The following SCUBE3 variants were observed in gnomAD, a reference collection of about 807,000 sequenced individuals.
The protein encoded by SCUBE3 is signal peptide, CUB and EGF-like domain-containing protein 3.
Under a neutral mutation model 116.8 loss-of-function variants are expected in SCUBE3, and 33 were observed. The observed-to-expected ratio is 0.28, with a 90% CI of 0.21 to 0.38. The LOEUF is 0.38. Ranked by LOEUF, SCUBE3 falls within the 10% of genes least tolerant of loss-of-function variation. The pLI is 1.00. For missense variants in SCUBE3, 1,007 were observed against 1,324.8 expected (o/e 0.76, Z 3.72); for synonymous variants, 418 against 496.9 (o/e 0.84, Z 2.11).
At chr6:35,217,611 T>C (rs1212025922) in intron 1 of SCUBE3, among the ~76,000 whole-genome samples, 1 of 152,030 alleles carries the variant, frequency 6.6e-6, no homozygotes, top group African/African-American at 2.4e-5. Flanking sequence ...GGCTGTTTCC[T>C]TTCCTCCCCG....
At chr6:35,226,340 A>G (rs1301827937) in intron 1 of SCUBE3, among the ~76,000 whole-genome samples, 1 of 152,128 alleles carries the variant, frequency 6.6e-6, no homozygotes, top group Non-Finnish European at 1.5e-5. Flanking sequence ...GTCACCTTTG[A>G]GCCTCCACAG....
chr6:35,242,433 A>G, intron 13 of SCUBE3, 113 bp downstream of exon 13: 1 of 939,738 alleles, frequency 1.1e-6, no homozygotes, highest in Non-Finnish European at 1.7e-6. Context: ...GGCAGAGCAG[A>G]GGAAAAAGCA....
At chr6:35,238,217 T>C (rs1171165184) in intron 7 of SCUBE3, among the ~76,000 whole-genome samples, 199 bp downstream of exon 7, 1 of 152,146 alleles carries the variant, frequency 6.6e-6, no homozygotes, top group African/African-American at 2.4e-5. Context: ...AGTTCCTTAG[T>C]GCCCCCTTCC....
chr6:35,238,887 C>T (rs530344096), intron 7 of SCUBE3, among the ~76,000 whole-genome samples: 7 of 152,114 alleles, frequency 4.6e-5, no homozygotes, highest in Admixed American at 3.3e-4. Context: ...CCAACAGCTG[C>T]GAGAGGAGGG....
Position 35,249,881 on chromosome 6 carries a change from T to C in SCUBE3, c.*1176T>C, listed in dbSNP as rs1784492618. 1 of 152,664 alleles carries C rather than the reference T, an allele frequency of 6.6e-6. No homozygotes were observed. 9.5% of individuals were successfully genotyped at this position (152,664 alleles called of 1,614,324 possible). A position where few individuals can be genotyped will look rare whatever the true frequency, so the allele number is the denominator to read the frequency against. ...CCCTGTCCACACCTAATAAGTGCAA[T>C]CATTTTGAGTCTTTCTATGTTGTCT... On this transcript the variant is annotated 3_prime_UTR_variant, in exon 22 of 22. Coordinates refer to ENST00000274938, the MANE Select transcript of SCUBE3 (RefSeq NM_152753.4).
Position 35,243,109 on chromosome 6 carries a change from C to T in SCUBE3, c.1782C>T (p.Asp594=). 6.2e-7 allele frequency: 1 copy of T among 1,614,192 alleles called. No individual in the cohort carries two copies. The highest frequency in any genetic ancestry group is 8.5e-7 in the Non-Finnish European group (1 of 1,180,006). ...TGCTCAGAAAGTCCATCAACCAGGA[C>T]CGCTTCCTGCTGCGCCTGGCAGGCC... ...LKMLRKSINQ[D]RFLLRLAGLD... is the part of the protein sequence containing the mutation. The change falls in exon 15 of 22, where the codon GAC becomes GAT. Residue 594 remains aspartate, a synonymous_variant. Transcript: ENST00000274938. The surrounding 1 kb of genome is among the most constrained non-coding windows in gnomAD (Gnocchi z 6.6).
Position 35,252,615 on chromosome 6 carries a change from A to G in SCUBE3, c.*3910A>G, listed in dbSNP as rs886784823. The G allele has an allele frequency of 1.3e-5, 2 of 152,248 alleles. No individual in the cohort carries two copies. Among genetic ancestry groups the G allele is most frequent in the Non-Finnish European group, 2.9e-5 (2 of 68,048 alleles). 9.4% of individuals were successfully genotyped at this position (152,248 alleles called of 1,614,324 possible). A position where few individuals can be genotyped will look rare whatever the true frequency, so the allele number is the denominator to read the frequency against. On this transcript the variant is annotated 3_prime_UTR_variant, in exon 22 of 22. Transcript: ENST00000274938. ...CCTCCAGGTTTCTTTCTTAAGCACA[A>G]TAAAAGTGGGAGCGAACAACACAAG...
intron 3 of SCUBE3, among the ~76,000 whole-genome samples, chr6:35,230,506 G>A (rs1783500103): frequency 6.6e-6 from 1 of 152,176 alleles, no homozygotes; most frequent in African/African-American, 2.4e-5. Flanking sequence ...CTGAGAATTG[G>A]AGGAAAGAGC....
Position 35,233,361 on chromosome 6 carries a change from G to A in SCUBE3, c.712+60G>A. The A allele has an allele frequency of 9.8e-7, 1 of 1,018,826 alleles. No homozygotes were observed. The highest frequency in any genetic ancestry group is 1.6e-5 in the African/African-American group (1 of 63,784). The allele number at this position is 1,018,826 out of a possible 1,614,324, so 63.1% of individuals were successfully genotyped here. A position where few individuals can be genotyped will look rare whatever the true frequency, so the allele number is the denominator to read the frequency against. On this transcript the variant is annotated intron_variant, in intron 6 of 21. Coordinates refer to ENST00000274938, the MANE Select transcript of SCUBE3 (RefSeq NM_152753.4). The surrounding 1 kb of genome is among the most constrained non-coding windows in gnomAD (Gnocchi z 5.7). ...AGATGGGGTGGGGGTGGGACCCTTT[G>A]GGAACCAGGGAAGTGGAGGAGTGCA...
chr6:35,244,181 CA>C lies in SCUBE3; in HGVS notation c.2239+57del. Reference sequence around the variant, plus strand: ...GGGATGCCCCAACCCCAACTACTCCCAAAAAACTCTCCAATTTCCCAGAGGG... The same window carrying C: ...GGGATGCCCCAACCCCAACTACTCCCAAAAACTCTCCAATTTCCCAGAGGG... On this transcript the variant is annotated intron_variant, in intron 17 of 21. Coordinates refer to ENST00000274938, the MANE Select transcript of SCUBE3 (RefSeq NM_152753.4). This position sits in a 1 kb window ranked among gnomAD's most constrained non-coding sequence, Gnocchi z 4.3. The C allele has an allele frequency of 1.3e-6, 2 of 1,508,932 alleles. No homozygotes were observed. Among genetic ancestry groups the C allele is most frequent in the East Asian group, 2.3e-5 (1 of 42,904 alleles). The allele number at this position is 1,508,932 out of a possible 1,614,324, so 93.5% of individuals were successfully genotyped here.
intron 7 of SCUBE3, among the ~76,000 whole-genome samples, chr6:35,238,896 G>A (rs571613104): frequency 4.6e-5 from 7 of 152,088 alleles, no homozygotes; most frequent in South Asian, 2.1e-4. Flanking sequence ...GCGAGAGGAG[G>A]GGGGAGGCTA....
intron 7 of SCUBE3, 147 bp downstream of exon 7, chr6:35,238,165 C>G (rs549884805): frequency 3.8e-6 from 2 of 525,146 alleles, no homozygotes; most frequent in East Asian, 5.8e-5. Context: ...TGTCTCCTAT[C>G]TGCCTGTTTC....
Position 35,246,101 on chromosome 6 carries a change from G to A in SCUBE3, c.2752+5G>A, listed in dbSNP as rs747864692. 14 of 1,614,056 alleles carry A rather than the reference G, an allele frequency of 8.7e-6. No individual in the cohort carries two copies. In the South Asian group the frequency reaches 1.5e-4, roughly 18 times the overall value. ...TTCCCTATGTTACCTATGATGGTAA[G>A]CCAAGGAGGTGGGTGAGAAGGGGAG... On this transcript the variant is annotated splice_donor_5th_base_variant and intron_variant, in intron 20 of 21. Coordinates refer to ENST00000274938, the MANE Select transcript of SCUBE3 (RefSeq NM_152753.4).
chr6:35,242,994 C>T (rs547946017), intron 14 of SCUBE3, 27 bp from the exon 15 acceptor site: 2 of 1,607,734 alleles, frequency 1.2e-6, no homozygotes, highest in Non-Finnish European at 1.7e-6. Flanking sequence ...TTTCTCCTCC[C>T]TGATACACAC....
At position 35,234,642 on chromosome 6, in the gene SCUBE3, A is replaced by G. The variant is rs1284043890; in HGVS notation, c.712+1341A>G. Among the ~76,000 whole-genome samples the G allele has an allele frequency of 2.6e-5, 4 of 152,074 alleles. No individual in the cohort carries two copies. In the East Asian group the frequency reaches 7.7e-4, roughly 29 times the overall value. On this transcript the variant is annotated intron_variant, in intron 6 of 21. Transcript: ENST00000274938. The stretch of plus-strand genomic sequence containing the variant: ...TAGGTCTAATTATTTTGCTTTTCAA[A>G]GCTCTCACCACCTCCTGGACACATT...
rs756022212 is a variant in SCUBE3 at position 35,227,612 on chromosome 6, T to C, written c.118T>C (p.Cys40Arg). ...TGAGTGTGTGGAGGGGACTGACAAC[T>C]GCCACATCGATGCTATCTGCCAGAA... Reference protein sequence around the residue: ...VDECVEGTDNCHIDAICQNTP... With the variant: ...VDECVEGTDNRHIDAICQNTP... Residue 40 changes from cysteine (C) to arginine (R), a missense_variant, in exon 2 of 22, where the codon TGC (cysteine) becomes CGC (arginine). Physicochemically the swap from Cys to Arg is radical, Grantham distance 180. Around this residue, in one of 5 missense-constraint regions of SCUBE3, gnomAD observed 94 missense variants for 92.0 expected, o/e 1.02. Transcript: ENST00000274938. 1.2e-6 allele frequency: 2 copies of C among 1,614,092 alleles called. No homozygotes were observed. The highest frequency in any genetic ancestry group is 4.5e-5 in the East Asian group (2 of 44,884).
rs1437846382 is a variant in SCUBE3 at position 35,240,891 on chromosome 6, AATGCCTTTTTAACTTTTTT to A, written c.1070-248_1070-230del. Among the ~76,000 whole-genome samples, 2 of 152,172 alleles carry A rather than the reference AATGCCTTTTTAACTTTTTT, an allele frequency of 1.3e-5. No individual in the cohort carries two copies. Among genetic ancestry groups the A allele is most frequent in the African/African-American group, 4.8e-5 (2 of 41,428 alleles). ...CCAGTAGTCATCTTACAGTGCCTAGAATGCCTTTTTAACTTTTTTAAATTGTAAGAATATTTAACAAGAG... is the reference window on the plus strand; with the variant it reads ...CCAGTAGTCATCTTACAGTGCCTAGAAAATTGTAAGAATATTTAACAAGAG... On this transcript the variant is annotated intron_variant, in intron 9 of 21. Transcript: ENST00000274938. This position sits in a 1 kb window ranked among gnomAD's most constrained non-coding sequence, Gnocchi z 4.6.
At position 35,241,232 on chromosome 6, in the gene SCUBE3, G is replaced by C; in HGVS notation, c.1161G>C (p.Gln387His). 6.2e-7 allele frequency: 1 copy of C among 1,602,186 alleles called. No individual in the cohort carries two copies. The highest frequency in any genetic ancestry group is 1.1e-5 in the South Asian group (1 of 90,714). The change falls in exon 10 of 22, where the codon CAG (glutamine) becomes CAC (histidine). Residue 387 changes from glutamine (Q) to histidine (H), a missense_variant. Around this residue, in one of 5 missense-constraint regions of SCUBE3, gnomAD observed 544 missense variants for 638.9 expected, o/e 0.85. Transcript: ENST00000274938. The surrounding 1 kb of genome is among the most constrained non-coding windows in gnomAD (Gnocchi z 4.1). ...ACCAGTGTACCTGCCCAGCAGGCCAGGGTCGGCTGCACTGGAATGGCAAAG... is the reference window on the plus strand; with the variant it reads ...ACCAGTGTACCTGCCCAGCAGGCCACGGTCGGCTGCACTGGAATGGCAAAG... ...GSYQCTCPAGQGRLHWNGKDC... is the reference protein window; with the variant it reads ...GSYQCTCPAGHGRLHWNGKDC...
At position 35,243,623 on chromosome 6, in the gene SCUBE3, G is replaced by A. The variant is rs757472652; in HGVS notation, c.1939G>A (p.Gly647Ser). 14 of 1,613,756 alleles carry A rather than the reference G, an allele frequency of 8.7e-6. No individual in the cohort carries two copies. The East Asian group carries it at 1.1e-4, about 13-fold the overall frequency. ...CTGCCCGCAGGGAACGTATTACCACGGCCAGACGGAGCAGTGTGTGCCATG... is the reference window on the plus strand; with the variant it reads ...CTGCCCGCAGGGAACGTATTACCACAGCCAGACGGAGCAGTGTGTGCCATG... ...VSCPQGTYYH[G>S]QTEQCVPCPA... Residue 647 changes from glycine (G) to serine (S), a missense_variant, in exon 16 of 22, where the codon GGC (glycine) becomes AGC (serine). Physicochemically the swap from Gly to Ser is moderately conservative, Grantham distance 56. This residue lies in a region of SCUBE3 where 544 missense variants were observed against 638.9 expected (regional missense o/e 0.85). Coordinates refer to ENST00000274938, the MANE Select transcript of SCUBE3 (RefSeq NM_152753.4). The surrounding 1 kb of genome is among the most constrained non-coding windows in gnomAD (Gnocchi z 6.6).
Sources: gnomAD v4.1 joint callset for allele counts (sites outside exome capture counted in the v4.1 genomes callset) on GRCh38, gnomAD v4.1.1 for gene constraint, gnomAD v4.1.1 regional missense constraint, Gnocchi (gnomAD v3.1) non-coding constraint, MANE v1.5 for transcripts, NCBI Gene and HGNC (gene_info 2026-07-23, HGNC 2026-07-21) for gene names.